The following ZNF521 variants were observed in gnomAD, a reference collection of about 807,000 sequenced individuals.
The protein encoded by ZNF521 is zinc finger protein 521.
In ZNF521, 14 loss-of-function variants were observed where a neutral mutation model predicts 105.5. The ratio of observed to expected loss-of-function variants is 0.13; its 90% CI spans 0.09 to 0.21. The LOEUF is 0.21. Ranked by LOEUF, ZNF521 falls within the 10% of genes least tolerant of loss-of-function variation. The pLI is 1.00. For missense variants in ZNF521, 1,233 were observed against 1,629.7 expected (o/e 0.76, Z 4.19); for synonymous variants, 635 against 606.0 (o/e 1.05, Z -0.70).
intron 5 of ZNF521, among the ~76,000 whole-genome samples, chr18:25,150,482 G>A (rs2035026231): frequency 6.6e-6 from 1 of 152,188 alleles, no homozygotes; most frequent in African/African-American, 2.4e-5. Context: ...AAGGAGCAAA[G>A]TTGGAGAAGT....
chr18:25,345,324 G>GT (rs960272940), intron 2 of ZNF521: 3 of 152,106 alleles, frequency 2.0e-5, no homozygotes, highest in Non-Finnish European at 2.9e-5. Flanking sequence ...AACTACAGTG[G>GT]TTTTTAAAGG....
chr18:25,106,846 G>A (rs2034083512), intron 5 of ZNF521, among the ~76,000 whole-genome samples: 1 of 152,058 alleles, frequency 6.6e-6, no homozygotes, highest in Non-Finnish European at 1.5e-5. Context: ...CTTTTCTACT[G>A]TCACAAAAGT....
At chr18:25,205,908 G>A (rs1031953113) in intron 4 of ZNF521, among the ~76,000 whole-genome samples, 3 of 151,926 alleles carry the variant, frequency 2.0e-5, no homozygotes, top group Non-Finnish European at 4.4e-5. Context: ...TTTACATGTT[G>A]TATCAGAATT....
chr18:25,124,498 A>T (rs181289180), intron 5 of ZNF521, among the ~76,000 whole-genome samples: 3 of 152,302 alleles, frequency 2.0e-5, no homozygotes, highest in Admixed American at 2.0e-4. Context: ...TTATGAATTT[A>T]CAGTGTAAAT....
chr18:25,335,426 C>CCTCGCCTAACCAGATGT (rs1235781734), intron 2 of ZNF521, among the ~76,000 whole-genome samples: 1 of 152,128 alleles, frequency 6.6e-6, no homozygotes, highest in Non-Finnish European at 1.5e-5. Context: ...ACACTCTGTA[C>CCTCGCCTAACCAGATGT]CTCGCCTAAC....
intron 5 of ZNF521, among the ~76,000 whole-genome samples, chr18:25,156,119 CG>C (rs2035139429): frequency 6.6e-6 from 1 of 152,008 alleles, no homozygotes; most frequent in African/African-American, 2.4e-5. Context: ...CCACAGCAGG[CG>C]GAAATGGGTA....
At chr18:25,257,687 C>T (rs1324368529) in intron 3 of ZNF521, among the ~76,000 whole-genome samples, 5 of 152,092 alleles carry the variant, frequency 3.3e-5, no homozygotes, top group African/African-American at 9.7e-5. Flanking sequence ...GGTCATGAAA[C>T]CTCCTCTTCA....
intron 2 of ZNF521, among the ~76,000 whole-genome samples, chr18:25,326,950 C>T (rs989680542): frequency 6.6e-6 from 1 of 152,166 alleles, no homozygotes; most frequent in African/African-American, 2.4e-5. Context: ...ATTACTCAAT[C>T]TTAAGTCAAC....
intron 4 of ZNF521, among the ~76,000 whole-genome samples, chr18:25,219,828 T>A (rs1905580221): frequency 6.6e-6 from 1 of 152,000 alleles, no homozygotes; most frequent in Non-Finnish European, 1.5e-5. Context: ...AATCAATAAA[T>A]AATAAAATAA....
chr18:25,157,603 G>A (rs2035171110), intron 5 of ZNF521, among the ~76,000 whole-genome samples: 1 of 152,184 alleles, frequency 6.6e-6, no homozygotes, highest in African/African-American at 2.4e-5. Context: ...AAGTGTGTGA[G>A]GAACTGTCTT....
chr18:25,328,954 A>C, intron 2 of ZNF521, among the ~76,000 whole-genome samples: 1 of 152,234 alleles, frequency 6.6e-6, no homozygotes, highest in African/African-American at 2.4e-5. Flanking sequence ...TTTGTAACTA[A>C]CTATGTTAGT....
At chr18:25,068,252 C>A (rs970057500) in intron 7 of ZNF521, among the ~76,000 whole-genome samples, 1 of 152,106 alleles carries the variant, frequency 6.6e-6, no homozygotes, top group African/African-American at 2.4e-5. Flanking sequence ...GGTGACAGCA[C>A]CATGGCAGCA....
At chr18:25,152,913 TG>T (rs2035075595) in intron 5 of ZNF521, among the ~76,000 whole-genome samples, 1 of 152,182 alleles carries the variant, frequency 6.6e-6, no homozygotes, top group Non-Finnish European at 1.5e-5. Flanking sequence ...ACAAGAGTCT[TG>T]GGGATGGCCA....
intron 4 of ZNF521, among the ~76,000 whole-genome samples, chr18:25,206,813 C>T (rs547200603): frequency 3.3e-5 from 5 of 152,148 alleles, no homozygotes; most frequent in Non-Finnish European, 7.3e-5. Flanking sequence ...TAAAACCCAC[C>T]TGCTTCAGAA....
At chr18:25,311,070 G>T (rs1051220517) in intron 3 of ZNF521, among the ~76,000 whole-genome samples, 1 of 152,090 alleles carries the variant, frequency 6.6e-6, no homozygotes, top group African/African-American at 2.4e-5. Context: ...AGGTAAAACC[G>T]AAAGAAAGGA....
chr18:25,107,146 G>A (rs769645015), intron 5 of ZNF521, among the ~76,000 whole-genome samples: 2 of 152,180 alleles, frequency 1.3e-5, no homozygotes, highest in Admixed American at 6.5e-5. Context: ...CCTTGCCTTC[G>A]TCAAATCATC....
intron 5 of ZNF521, among the ~76,000 whole-genome samples, chr18:25,187,424 GTTTTTT>G (rs200409869): frequency 6.8e-6 from 1 of 146,100 alleles, no homozygotes; most frequent in Admixed American, 6.8e-5. Flanking sequence ...TTACCTCAGA[GTTTTTT>G]TTTTTTAATT....
chr18:25,168,461 G>A (rs1170033150), intron 5 of ZNF521, among the ~76,000 whole-genome samples: 1 of 152,136 alleles, frequency 6.6e-6, no homozygotes, highest in East Asian at 1.9e-4. Context: ...TCCTATCCCT[G>A]TGGAACTGAA....
chr18:25,352,064 G>T lies in ZNF521; in HGVS notation c.-61C>A, dbSNP rs540783445. On this transcript the variant is annotated 5_prime_UTR_variant, in exon 1 of 8. Coordinates refer to ENST00000361524, the MANE Select transcript of ZNF521 (RefSeq NM_015461.3). ...GTCCACATAATAATGGAAAATGGAA[G>T]CAAGGCCCCCAAAGCCATCAGGATG... 1.9e-4 allele frequency: 96 copies of T among 497,980 alleles called. No homozygotes were observed. In the Admixed American group the frequency reaches 1.9e-3, roughly 10 times the overall value. 30.8% of individuals were successfully genotyped at this position (497,980 alleles called of 1,614,324 possible).
Sources: allele counts gnomAD v4.1 joint callset (sites outside exome capture counted in the v4.1 genomes callset), GRCh38; gene constraint gnomAD v4.1.1; transcripts MANE v1.5; gene names NCBI Gene and HGNC (gene_info 2026-07-23, HGNC 2026-07-21).